AFF3: variants seen among roughly 807,000 people sequenced by gnomAD.
The protein encoded by AFF3 is ALF transcription elongation factor 3.
AFF3 carries 32 observed loss-of-function variants against 129.7 expected under a neutral mutation model. That is an observed-to-expected ratio of 0.25 (90% CI 0.19 to 0.33). The LOEUF (loss-of-function observed/expected upper bound fraction) is 0.33, where lower values mean the gene tolerates loss of function less well. AFF3 is among the 10% of genes least tolerant of loss of function. AFF3 has a pLI of 1.00. For missense variants in AFF3, 1,373 were observed against 1,592.0 expected, an observed-to-expected ratio of 0.86 and a Z score of 2.34; for synonymous variants, 644 against 635.4, an observed-to-expected ratio of 1.01 and a Z score of -0.20.
At chr2:99,797,059 G>C (rs557901758) in intron 8 of AFF3, among the ~76,000 whole-genome samples, 9 of 152,100 alleles carry the variant, frequency 5.9e-5, no homozygotes, top group Admixed American at 1.3e-4. Context: ...ACTCTGTCTG[G>C]GTCCAACCAA....
intron 13 of AFF3, among the ~76,000 whole-genome samples, chr2:99,639,669 A>G (rs1285408187): frequency 2.0e-5 from 3 of 149,500 alleles, no homozygotes; most frequent in African/African-American, 7.4e-5. Context: ...TGACTTTTTT[A>G]TGTATTTATT....
chr2:99,603,253 G>A (rs1680009382), intron 13 of AFF3, among the ~76,000 whole-genome samples: 2 of 151,940 alleles, frequency 1.3e-5, no homozygotes, highest in Admixed American at 1.3e-4. Context: ...TGTCTTTCCT[G>A]TTGGCTGAAT....
At chr2:99,554,246 A>G (rs962144918) in intron 24 of AFF3, 65 bp downstream of exon 24, 10 of 1,556,968 alleles carry the variant, frequency 6.4e-6, no homozygotes, top group Non-Finnish European at 8.8e-6. Flanking sequence ...CAGGAGGCCG[A>G]GGCAGAAGAA....
chr2:99,589,929 T>C (rs1329660073), intron 15 of AFF3, among the ~76,000 whole-genome samples: 2 of 152,218 alleles, frequency 1.3e-5, no homozygotes, highest in Non-Finnish European at 2.9e-5. Context: ...TCTACAGTAT[T>C]TGCTATACAC....
At chr2:99,842,860 T>C (rs1396637459) in intron 7 of AFF3, among the ~76,000 whole-genome samples, 1 of 152,104 alleles carries the variant, frequency 6.6e-6, no homozygotes, top group Non-Finnish European at 1.5e-5. Flanking sequence ...CAGTGGGAAA[T>C]GGTATTTCAT....
intron 4 of AFF3, among the ~76,000 whole-genome samples, chr2:100,017,851 G>A (rs1683260592): frequency 6.6e-6 from 1 of 152,188 alleles, no homozygotes; most frequent in African/African-American, 2.4e-5. Flanking sequence ...CAAATTCTTA[G>A]ACTCTGCTCC....
rs984233053 is a variant in AFF3 at position 99,844,434 on chromosome 2, C to CTTTTT, written c.874-6915_874-6911dup. The stretch of plus-strand genomic sequence containing the variant: ...CAATACGAGAACTATTTTTTCTTTT[C>CTTTTT]TTTTTTTTTTTTTTTTTTTTTGAGA... On this transcript the variant is annotated intron_variant, in intron 7 of 24. Coordinates refer to ENST00000672756, the MANE Select transcript of AFF3 (RefSeq NM_001386135.1). Among the ~76,000 whole-genome samples, 626 of 92,446 alleles carry CTTTTT rather than the reference C, an allele frequency of 6.8e-3. 2 individuals carry two copies. Among genetic ancestry groups the CTTTTT allele is most frequent in the Middle Eastern group, 0.024 (2 of 84 alleles). 60.6% of individuals were successfully genotyped at this position (92,446 alleles called of 152,430 possible).
chr2:99,691,976 A>G (rs990738238), intron 11 of AFF3, among the ~76,000 whole-genome samples: 59 of 152,246 alleles, frequency 3.9e-4, no homozygotes, highest in African/African-American at 1.4e-3. Context: ...AGGATGGTCT[A>G]AAGTATGGAA....
intron 11 of AFF3, among the ~76,000 whole-genome samples, chr2:99,715,169 G>A (rs1414605940): frequency 6.6e-6 from 1 of 152,196 alleles, no homozygotes; most frequent in African/African-American, 2.4e-5. Flanking sequence ...CACTCTGGCT[G>A]GCATCTCTGG....
chr2:99,735,905 T>C (rs1201117646), intron 10 of AFF3, among the ~76,000 whole-genome samples: 1 of 152,226 alleles, frequency 6.6e-6, no homozygotes, highest in Non-Finnish European at 1.5e-5. Context: ...TATTTACTAA[T>C]ATCTAGAGTG....
rs1419045465 is a variant in AFF3 at position 99,971,504 on chromosome 2, G to GCCAAAAC, written c.873+35127_873+35128insGTTTTGG. Among the ~76,000 whole-genome samples, 8 of 152,020 alleles carry GCCAAAAC rather than the reference G, an allele frequency of 5.3e-5. No homozygotes were observed. In the East Asian group the frequency reaches 1.4e-3, roughly 26 times the overall value. On this transcript the variant is annotated intron_variant, in intron 7 of 24. Transcript: ENST00000672756. Reference sequence around the variant, plus strand: ...AAAATTATTTCCAAGTCATTCCAAAGCCACAACCCACAACCCACTACTCCT... The same window carrying GCCAAAAC: ...AAAATTATTTCCAAGTCATTCCAAAGCCAAAACCCACAACCCACAACCCACTACTCCT...
chr2:99,895,589 C>T (rs942503841), intron 7 of AFF3, among the ~76,000 whole-genome samples: 55 of 152,082 alleles, frequency 3.6e-4, no homozygotes, highest in African/African-American at 1.1e-3. Flanking sequence ...AAAGGCTGAC[C>T]TCTGACACTG....
intron 4 of AFF3, among the ~76,000 whole-genome samples, chr2:100,012,651 A>G (rs985103173): frequency 2.0e-5 from 3 of 152,186 alleles, no homozygotes; most frequent in African/African-American, 7.2e-5. Context: ...CTTGCCATGA[A>G]AGCTTAGCCC....
At chr2:99,717,548 T>C (rs767943564) in intron 11 of AFF3, among the ~76,000 whole-genome samples, 15 of 152,224 alleles carry the variant, frequency 9.9e-5, no homozygotes, top group East Asian at 3.8e-4. Flanking sequence ...TGTTCAAAGC[T>C]TTTGTCCATT....
At chr2:99,932,630 A>C (rs529946018) in intron 7 of AFF3, among the ~76,000 whole-genome samples, 29 of 152,240 alleles carry the variant, frequency 1.9e-4, no homozygotes, top group African/African-American at 7.0e-4. Flanking sequence ...GGCCCCTTAC[A>C]CACTCCATTG....
intron 7 of AFF3, among the ~76,000 whole-genome samples, chr2:99,958,611 T>C (rs1180488305): frequency 2.6e-5 from 4 of 152,012 alleles, no homozygotes; most frequent in African/African-American, 9.7e-5. Flanking sequence ...AAGAAACAGC[T>C]TCTGTCCTTA....
At chr2:99,966,735 T>C (rs1413244780) in intron 7 of AFF3, among the ~76,000 whole-genome samples, 1 of 122,482 alleles carries the variant, frequency 8.2e-6, no homozygotes, top group African/African-American at 2.9e-5. Flanking sequence ...AAATGAAGAA[T>C]GACAGAGGAT....
intron 7 of AFF3, among the ~76,000 whole-genome samples, chr2:99,941,276 G>A (rs1675017768): frequency 6.6e-6 from 1 of 152,180 alleles, no homozygotes; most frequent in Non-Finnish European, 1.5e-5. Context: ...TGACCTCATA[G>A]GACAGCAGGG....
At chr2:99,884,287 C>T (rs1478856263) in intron 7 of AFF3, among the ~76,000 whole-genome samples, 1 of 152,218 alleles carries the variant, frequency 6.6e-6, no homozygotes, top group African/African-American at 2.4e-5. Context: ...CTATTTAACA[C>T]ATCCATCACC....
Sources: allele counts gnomAD v4.1 joint callset (sites outside exome capture counted in the v4.1 genomes callset), GRCh38; gene constraint gnomAD v4.1.1; transcripts MANE v1.5; gene names NCBI Gene and HGNC (gene_info 2026-07-23, HGNC 2026-07-21).